RABL3: variants seen among roughly 807,000 people sequenced by gnomAD.
The protein encoded by RABL3 is rab-like protein 3.
RABL3 carries 31 observed loss-of-function variants against 31.8 expected under a neutral mutation model. That is an observed-to-expected ratio of 0.97 (90% CI 0.73 to 1.31). The LOEUF (loss-of-function observed/expected upper bound fraction) is 1.31. RABL3 is among the 40% of genes most tolerant of loss of function. The pLI, the probability that RABL3 is intolerant of heterozygous loss-of-function variation, is 0.00. For missense variants in RABL3, 263 were observed against 279.6 expected, an observed-to-expected ratio of 0.94 and a Z score of 0.42; for synonymous variants, 97 against 99.9, an observed-to-expected ratio of 0.97 and a Z score of 0.18.
chr3:120,733,908 A>AT (rs2107596887), intron 1 of RABL3, among the ~76,000 whole-genome samples: 1 of 152,246 alleles, frequency 6.6e-6, no homozygotes, highest in Non-Finnish European at 1.5e-5. Context: ...CCATTGGTCT[A>AT]TATCTCTGTT....
intron 6 of RABL3, among the ~76,000 whole-genome samples, chr3:120,692,136 A>G (rs192890521): frequency 6.6e-6 from 1 of 152,278 alleles, no homozygotes; most frequent in East Asian, 1.9e-4. Flanking sequence ...CTGGAGCGTG[A>G]GGAATTACTA....
chr3:120,710,979 C>T lies in RABL3; in HGVS notation c.139-1070G>A, dbSNP rs149636894. On this transcript the variant is annotated intron_variant, in intron 2 of 7. Transcript: ENST00000273375. Reference sequence around the variant, plus strand: ...TATTCCTTGTCAAGGTCACCAATGACCTCCACATTGTTAACTCCAATGGTC... The same window carrying T: ...TATTCCTTGTCAAGGTCACCAATGATCTCCACATTGTTAACTCCAATGGTC... Among the ~76,000 whole-genome samples, 1,164 of 152,236 alleles carry T rather than the reference C, an allele frequency of 7.6e-3. 16 individuals are homozygous for T. The highest frequency in any genetic ancestry group is 0.027 in the African/African-American group (1,104 of 41,548).
chr3:120,724,347 T>A (rs1315204093), intron 2 of RABL3, among the ~76,000 whole-genome samples: 1 of 152,144 alleles, frequency 6.6e-6, no homozygotes, highest in Non-Finnish European at 1.5e-5. Context: ...GTAGGCAGAA[T>A]CAATATCATG....
chr3:120,698,629 G>A, intron 4 of RABL3, 56 bp from the exon 5 acceptor site: 3 of 1,442,648 alleles, frequency 2.1e-6, no homozygotes, highest in Non-Finnish European at 2.8e-6. Flanking sequence ...GTGTAGATGT[G>A]TAATATTTAA....
At chr3:120,711,426 C>T (rs555902172) in intron 2 of RABL3, among the ~76,000 whole-genome samples, 43 of 152,264 alleles carry the variant, frequency 2.8e-4, no homozygotes, top group African/African-American at 1.0e-3. Flanking sequence ...AAGTCTCTAT[C>T]TCCTTGCCTG....
At chr3:120,709,966 C>A (rs1708594816) in intron 2 of RABL3, 57 bp from the exon 3 acceptor site, 1 of 1,299,790 alleles carries the variant, frequency 7.7e-7, no homozygotes, top group East Asian at 2.3e-5. Flanking sequence ...CTAGTAAGTA[C>A]CCTTATTCCG....
chr3:120,689,423 T>C lies in RABL3; in HGVS notation c.*400A>G, dbSNP rs1200590192. The C allele has an allele frequency of 6.4e-6, 1 of 156,026 alleles. No individual in the cohort carries two copies. Among genetic ancestry groups the C allele is most frequent in the Admixed American group, 6.4e-5 (1 of 15,548 alleles). 9.7% of individuals were successfully genotyped at this position (156,026 alleles called of 1,614,324 possible). On this transcript the variant is annotated 3_prime_UTR_variant, in exon 8 of 8. Transcript: ENST00000273375. ...CGTTCCCCTCAAGAAGGTAAAACAATGGAGATACGTTTTTGAAGTACTTAA... is the reference window on the plus strand; with the variant it reads ...CGTTCCCCTCAAGAAGGTAAAACAACGGAGATACGTTTTTGAAGTACTTAA...
chr3:120,733,042 T>C (rs571958911), intron 1 of RABL3, among the ~76,000 whole-genome samples: 2 of 152,350 alleles, frequency 1.3e-5, no homozygotes, highest in South Asian at 4.1e-4. Context: ...TGTGTCTTTA[T>C]AGCAGCATGA....
Position 120,687,775 on chromosome 3 carries a change from T to C in RABL3, c.*2048A>G, listed in dbSNP as rs1708328690. 6.6e-6 allele frequency: 1 copy of C among 150,926 alleles called. No homozygotes were observed. Among genetic ancestry groups the C allele is most frequent in the Non-Finnish European group, 1.5e-5 (1 of 67,728 alleles). The allele number at this position is 150,926 out of a possible 1,614,324, so 9.3% of individuals were successfully genotyped here. A position where few individuals can be genotyped will look rare whatever the true frequency, so the allele number is the denominator to read the frequency against. On this transcript the variant is annotated 3_prime_UTR_variant, in exon 8 of 8. Coordinates refer to ENST00000273375, the MANE Select transcript of RABL3 (RefSeq NM_173825.5). ...CATCAGCAATAGTTTACTTTTATTA[T>C]TTATTTATATATTTATATATTTATT...
At chr3:120,729,976 AC>A (rs1708863331) in intron 2 of RABL3, among the ~76,000 whole-genome samples, 1 of 152,182 alleles carries the variant, frequency 6.6e-6, no homozygotes, top group South Asian at 2.1e-4. Context: ...AAAAAAAAAC[AC>A]AAAAAATATT....
At chr3:120,715,170 C>T (rs1708653816) in intron 2 of RABL3, among the ~76,000 whole-genome samples, 1 of 152,172 alleles carries the variant, frequency 6.6e-6, no homozygotes, top group Non-Finnish European at 1.5e-5. Flanking sequence ...TAATTTTACA[C>T]TTACTTTCTT....
At chr3:120,693,529 A>C (rs1708403365) in intron 6 of RABL3, among the ~76,000 whole-genome samples, 1 of 152,218 alleles carries the variant, frequency 6.6e-6, no homozygotes, top group Non-Finnish European at 1.5e-5. Context: ...AACAACTTAA[A>C]CTTGGTCAAT....
chr3:120,742,615 T>C, upstream of RABL3: 2 of 1,106,658 alleles, frequency 1.8e-6, no homozygotes, highest in South Asian at 2.6e-5. Flanking sequence ...GGAGCGTGAC[T>C]GTCTTGATCG....
intron 2 of RABL3, among the ~76,000 whole-genome samples, chr3:120,725,207 C>T (rs1412495337): frequency 6.6e-6 from 1 of 152,210 alleles, no homozygotes; most frequent in African/African-American, 2.4e-5. Flanking sequence ...TGCTCACCAT[C>T]ACTGGCCATC....
At chr3:120,729,966 A>G (rs1296783300) in intron 2 of RABL3, among the ~76,000 whole-genome samples, 1 of 151,572 alleles carries the variant, frequency 6.6e-6, no homozygotes, top group African/African-American at 2.4e-5. Flanking sequence ...ATCAAAGATT[A>G]AAAAAAAACA....
At position 120,690,468 on chromosome 3, in the gene RABL3, A is replaced by C; in HGVS notation, c.626T>G (p.Phe209Cys). The part of the protein sequence containing the change: ...FFDKVIEKRY[F>C]LREGNQIPGF... ...ACCAACCTGATTACCTTCTCTTAAAAAGTATCTCTTCTCTATGACCTGTGA... is the reference window on the plus strand; with the variant it reads ...ACCAACCTGATTACCTTCTCTTAAACAGTATCTCTTCTCTATGACCTGTGA... Residue 209 changes from phenylalanine (F) to cysteine (C), a missense_variant, in exon 7 of 8, where the codon TTT becomes TGT. Coordinates refer to ENST00000273375, the MANE Select transcript of RABL3 (RefSeq NM_173825.5). 1 of 1,599,776 alleles carries C rather than the reference A, an allele frequency of 6.3e-7. No homozygotes were observed. The highest frequency in any genetic ancestry group is 8.6e-7 in the Non-Finnish European group (1 of 1,167,362).
rs942550240 is a variant in RABL3, at chr3:120,687,088, A to C, written c.*2735T>G. On this transcript the variant is annotated 3_prime_UTR_variant, in exon 8 of 8. Coordinates refer to ENST00000273375, the MANE Select transcript of RABL3 (RefSeq NM_173825.5). The stretch of plus-strand genomic sequence containing the variant: ...ATGTGTCCTGAATCCCATCAACGTT[A>C]AGATGGAGAGACCAGCCCAAATCTT... 2.6e-5 allele frequency: 4 copies of C among 152,192 alleles called. No individual in the cohort carries two copies. The highest frequency in any genetic ancestry group is 5.9e-5 in the Non-Finnish European group (4 of 68,032). 9.4% of individuals were successfully genotyped at this position (152,192 alleles called of 1,614,324 possible). A position where few individuals can be genotyped will look rare whatever the true frequency, so the allele number is the denominator to read the frequency against.
At chr3:120,704,281 C>T (rs1000444797) in intron 4 of RABL3, among the ~76,000 whole-genome samples, 6 of 152,184 alleles carry the variant, frequency 3.9e-5, no homozygotes, top group East Asian at 3.8e-4. Flanking sequence ...AATCAGTGAA[C>T]GTAATCCACC....
chr3:120,724,153 T>G (rs894253451), intron 2 of RABL3, among the ~76,000 whole-genome samples: 8 of 152,098 alleles, frequency 5.3e-5, no homozygotes, highest in Non-Finnish European at 1.0e-4. Context: ...CATACACTAA[T>G]AACAGACAAA....
Sources: gnomAD v4.1 joint callset for allele counts (sites outside exome capture counted in the v4.1 genomes callset) on GRCh38, gnomAD v4.1.1 for gene constraint, MANE v1.5 for transcripts, NCBI Gene and HGNC (gene_info 2026-07-23, HGNC 2026-07-21) for gene names.